The following TTLL4 variants were observed in gnomAD, a reference collection of about 807,000 sequenced individuals.
TTLL4 encodes tubulin monoglutamylase TTLL4.
In TTLL4, 85 loss-of-function variants were observed where a neutral mutation model predicts 122.7. That is an observed-to-expected ratio of 0.69 (90% CI 0.58 to 0.83). The LOEUF (loss-of-function observed/expected upper bound fraction) is 0.83. TTLL4 is among the 40% of genes least tolerant of loss of function. The pLI, the probability that TTLL4 is intolerant of heterozygous loss-of-function variation, is 0.00. For missense variants in TTLL4, 1,363 were observed against 1,488.6 expected (o/e 0.92, Z 1.39); for synonymous variants, 553 against 563.0 (o/e 0.98, Z 0.25).
At chr2:218,750,808 C>T (rs1349186193) in intron 15 of TTLL4, among the ~76,000 whole-genome samples, 1 of 152,186 alleles carries the variant, frequency 6.6e-6, no homozygotes, top group African/African-American at 2.4e-5. Flanking sequence ...CCGCTGTTAA[C>T]CTCTGCTGTT....
rs574909905 is a variant in TTLL4 at position 218,722,031 on chromosome 2, C to G, written c.-177-5238C>G. 3.0e-4 allele frequency among the ~76,000 whole-genome samples: 46 copies of G among 152,180 alleles called. No homozygotes were observed. The South Asian group carries it at 8.9e-3, about 30-fold the overall frequency. ...GTGTAGGGGTTCATGTCTGCAGTCC[C>G]AGCACTTTGGGAAGCTGAGGTGGGA... On this transcript the variant is annotated intron_variant, in intron 1 of 19. Transcript: ENST00000392102.
intron 5 of TTLL4, among the ~76,000 whole-genome samples, chr2:218,744,423 C>T (rs1047659654): frequency 1.4e-4 from 22 of 152,120 alleles, no homozygotes; most frequent in African/African-American, 4.8e-4. Flanking sequence ...ACAGCCTTGG[C>T]CAAGCCCTTG....
At chr2:218,753,789 G>A in intron 19 of TTLL4, 120 bp downstream of exon 19, 2 of 1,106,634 alleles carry the variant, frequency 1.8e-6, no homozygotes, top group East Asian at 2.4e-5. Flanking sequence ...GTTGGTGGGA[G>A]CGTCAGGACA....
intron 2 of TTLL4, chr2:218,728,087 C>T (rs1020239387): frequency 3.9e-5 from 5 of 127,118 alleles, no homozygotes; most frequent in East Asian, 2.4e-4. Flanking sequence ...GGCTTTAGCG[C>T]AGTGTTCCCC....
At chr2:218,730,932 T>C (rs1942363116) in intron 2 of TTLL4, among the ~76,000 whole-genome samples, 2 of 152,172 alleles carry the variant, frequency 1.3e-5, no homozygotes, top group East Asian at 1.9e-4. Context: ...AGTGGAACTC[T>C]ATTGCTATAA....
At position 218,747,937 on chromosome 2, in the gene TTLL4, C is replaced by T. The variant is rs1942893579; in HGVS notation, c.2379-168C>T. The T allele has an allele frequency of 1.4e-5, 16 of 1,148,650 alleles. No individual in the cohort carries two copies. The South Asian group carries it at 1.9e-4, about 14-fold the overall frequency. The allele number at this position is 1,148,650 out of a possible 1,614,324, so 71.2% of individuals were successfully genotyped here. Reference sequence around the variant, plus strand: ...GGTGGGATAAAGGAGATGAGTTTAGCTGTGGTTTTTCAGAACTTTGCCAGT... The same window carrying T: ...GGTGGGATAAAGGAGATGAGTTTAGTTGTGGTTTTTCAGAACTTTGCCAGT... On this transcript the variant is annotated intron_variant, in intron 11 of 19. Transcript: ENST00000392102. The surrounding 1 kb of genome is among the most constrained non-coding windows in gnomAD (Gnocchi z 4.7).
chr2:218,732,614 A>C (rs573852109), intron 2 of TTLL4, among the ~76,000 whole-genome samples: 12 of 152,276 alleles, frequency 7.9e-5, no homozygotes, highest in Admixed American at 7.8e-4. Flanking sequence ...AGAACTCACT[A>C]TGTTAGCTTT....
chr2:218,753,305 C>A, intron 18 of TTLL4, 120 bp downstream of exon 18: 3 of 1,105,540 alleles, frequency 2.7e-6, no homozygotes, highest in Non-Finnish European at 4.1e-6. Flanking sequence ...CTAGGCTCTG[C>A]TTCTGTCTCA....
At chr2:218,727,031 G>A (rs554449013) in intron 1 of TTLL4, among the ~76,000 whole-genome samples, 1 of 151,590 alleles carries the variant, frequency 6.6e-6, no homozygotes, top group East Asian at 1.9e-4. Flanking sequence ...CAGGTCTCAA[G>A]CTCCAGACCT....
intron 6 of TTLL4, 124 bp from the exon 7 acceptor site, chr2:218,745,567 A>G: frequency 2.8e-6 from 2 of 708,774 alleles, no homozygotes; most frequent in South Asian, 1.7e-5. Context: ...CCTGATCTGG[A>G]GCAATAGTTA....
chr2:218,716,736 C>T (rs2106387681), intron 1 of TTLL4, among the ~76,000 whole-genome samples: 1 of 152,256 alleles, frequency 6.6e-6, no homozygotes, highest in African/African-American at 2.4e-5. Context: ...TTGCAGTGAG[C>T]CGAGATCGTG....
At chr2:218,757,315 C>T (rs904032131), downstream of TTLL4, among the ~76,000 whole-genome samples, 1 of 152,180 alleles carries the variant, frequency 6.6e-6, no homozygotes, top group Non-Finnish European at 1.5e-5. Flanking sequence ...CACCCCAGTG[C>T]ACACACAAAC....
chr2:218,740,255 T>A, intron 4 of TTLL4, 88 bp downstream of exon 4: 1 of 1,267,478 alleles, frequency 7.9e-7, no homozygotes, highest in Non-Finnish European at 1.1e-6. Context: ...GGTCCTTGAC[T>A]CACATTACCT....
At chr2:218,711,919 G>C (rs1175429151) in intron 1 of TTLL4, among the ~76,000 whole-genome samples, 1 of 135,706 alleles carries the variant, frequency 7.4e-6, no homozygotes, top group Non-Finnish European at 1.7e-5. Flanking sequence ...GCATTTGGGG[G>C]ACCCTTTGGG....
intron 1 of TTLL4, among the ~76,000 whole-genome samples, chr2:218,719,804 G>A (rs1186560999): frequency 3.3e-5 from 5 of 152,196 alleles, no homozygotes; most frequent in Non-Finnish European, 1.5e-5. Flanking sequence ...TTTGAAAAGG[G>A]ATTGACCTGA....
intron 2 of TTLL4, among the ~76,000 whole-genome samples, chr2:218,736,786 T>C (rs1446251171): frequency 6.6e-6 from 1 of 151,968 alleles, no homozygotes; most frequent in Non-Finnish European, 1.5e-5. Flanking sequence ...AAAAGCAGAC[T>C]AAATCAGAGG....
chr2:218,753,470 A>T, intron 18 of TTLL4, 114 bp from the exon 19 acceptor site: 2 of 1,088,318 alleles, frequency 1.8e-6, no homozygotes, highest in Non-Finnish European at 2.8e-6. Context: ...AGGGGTAGGG[A>T]AGGGGAGAAC....
At chr2:218,713,216 CA>C (rs964590281) in intron 1 of TTLL4, among the ~76,000 whole-genome samples, 112 of 150,894 alleles carry the variant, frequency 7.4e-4, no homozygotes, top group African/African-American at 2.6e-3. Flanking sequence ...CTCTTCTCTA[CA>C]AAAAAAAATA....
In TTLL4 at chr2:218,737,585, A is replaced by T. The variant is rs563291669; in HGVS notation, c.-92A>T. The T allele has an allele frequency of 2.1e-6, 3 of 1,409,240 alleles. No individual in the cohort carries two copies. The African/African-American group carries it at 4.3e-5, about 20-fold the overall frequency. 87.3% of individuals were successfully genotyped at this position (1,409,240 alleles called of 1,614,324 possible). On this transcript the variant is annotated 5_prime_UTR_variant, in exon 3 of 20. Coordinates refer to ENST00000392102, the MANE Select transcript of TTLL4 (RefSeq NM_014640.5). ...TCATTTCTCTCCACTTCAGACTGAC[A>T]GACTTCAAGGATGCAGCTGCTACTA...
Sources: gnomAD v4.1 joint callset for allele counts (sites outside exome capture counted in the v4.1 genomes callset) on GRCh38, gnomAD v4.1.1 for gene constraint, Gnocchi (gnomAD v3.1) non-coding constraint, MANE v1.5 for transcripts, NCBI Gene and HGNC (gene_info 2026-07-23, HGNC 2026-07-21) for gene names.